Variants in CRPPA observed in about 807,000 individuals in gnomAD.
CRPPA encodes CDP-L-ribitol pyrophosphorylase A, also known as D-ribitol-5-phosphate cytidylyltransferase.
A neutral mutation model predicts 52.0 loss-of-function variants in CRPPA; 43 were observed. The observed-to-expected ratio is 0.83, with a 90% CI of 0.65 to 1.07. The LOEUF (loss-of-function observed/expected upper bound fraction) is 1.07. CRPPA is among the 50% of genes least tolerant of loss of function. The pLI is 0.00. For synonymous variants in CRPPA, 250 were observed against 203.5 expected (o/e 1.23, Z -1.94); for missense variants, 629 against 551.7 (o/e 1.14, Z -1.40).
intron 8 of CRPPA, among the ~76,000 whole-genome samples, chr7:16,256,756 C>T (rs535963414): frequency 6.6e-6 from 1 of 151,884 alleles, no homozygotes; most frequent in East Asian, 1.9e-4. Context: ...CACACTGGGG[C>T]TTGTTGGGGA....
chr7:16,254,837 GAAAGAA>G (rs1783586219), intron 8 of CRPPA, among the ~76,000 whole-genome samples: 1 of 148,228 alleles, frequency 6.7e-6, no homozygotes, highest in African/African-American at 2.5e-5. Flanking sequence ...AAGAAAGAAA[GAAAGAA>G]AGAGAAAGAA....
chr7:16,334,167 G>A (rs1217184267), intron 3 of CRPPA, among the ~76,000 whole-genome samples: 1 of 152,158 alleles, frequency 6.6e-6, no homozygotes, highest in Non-Finnish European at 1.5e-5. Context: ...CAACTGAAGT[G>A]CAGTCCATGG....
At chr7:16,129,555 C>G (rs1355562136) in intron 9 of CRPPA, among the ~76,000 whole-genome samples, 1 of 152,056 alleles carries the variant, frequency 6.6e-6, no homozygotes, top group African/African-American at 2.4e-5. Flanking sequence ...AAGCTTTATG[C>G]CACAATACCA....
chr7:16,349,031 G>GT (rs1228238183), intron 3 of CRPPA, among the ~76,000 whole-genome samples: 2 of 152,190 alleles, frequency 1.3e-5, no homozygotes, highest in Non-Finnish European at 2.9e-5. Flanking sequence ...CAGCTTGAAT[G>GT]TGAGTACAAT....
At chr7:16,326,132 A>T (rs1035399193) in intron 3 of CRPPA, among the ~76,000 whole-genome samples, 2 of 151,798 alleles carry the variant, frequency 1.3e-5, no homozygotes, top group Non-Finnish European at 2.9e-5. Flanking sequence ...TCCAACTCCA[A>T]GTCCTCTGAA....
chr7:16,326,896 A>C (rs1467265128), intron 3 of CRPPA, among the ~76,000 whole-genome samples: 2 of 152,148 alleles, frequency 1.3e-5, no homozygotes, highest in Admixed American at 1.3e-4. Flanking sequence ...AAATACTATC[A>C]AATCACAAAA....
At chr7:16,273,239 T>C (rs1784128999) in intron 6 of CRPPA, among the ~76,000 whole-genome samples, 1 of 151,462 alleles carries the variant, frequency 6.6e-6, no homozygotes, top group Non-Finnish European at 1.5e-5. Context: ...TAGGCCTGGG[T>C]ACTGTGGCCC....
At chr7:16,169,078 T>C (rs914209632) in intron 9 of CRPPA, among the ~76,000 whole-genome samples, 1 of 152,296 alleles carries the variant, frequency 6.6e-6, no homozygotes, top group South Asian at 2.1e-4. Flanking sequence ...AACTTCATTC[T>C]CCTTAGCTGG....
At chr7:16,139,198 G>T (rs542106033) in intron 9 of CRPPA, among the ~76,000 whole-genome samples, 3 of 152,234 alleles carry the variant, frequency 2.0e-5, no homozygotes, top group African/African-American at 7.2e-5. Flanking sequence ...AATCCAACGA[G>T]GTGGAAACAG....
intron 8 of CRPPA, among the ~76,000 whole-genome samples, chr7:16,240,572 TACAC>T (rs71549978): frequency 0.02 from 3,018 of 147,930 alleles, 60 homozygotes; most frequent in African/African-American, 0.049. Context: ...TTATTACACA[TACAC>T]ACACACACAC....
intron 6 of CRPPA, among the ~76,000 whole-genome samples, chr7:16,264,655 C>A (rs377685564): frequency 2.2e-4 from 34 of 152,316 alleles, no homozygotes; most frequent in African/African-American, 8.2e-4. Context: ...GCTGGGTCAT[C>A]TCTGAGTCTG....
intron 9 of CRPPA, among the ~76,000 whole-genome samples, chr7:16,169,627 T>G (rs573762245): frequency 6.6e-6 from 1 of 152,242 alleles, no homozygotes. Context: ...TGAGACATTG[T>G]CCAGCTAACT....
At chr7:16,275,497 C>T (rs1212082236) in intron 6 of CRPPA, among the ~76,000 whole-genome samples, 1 of 152,130 alleles carries the variant, frequency 6.6e-6, no homozygotes, top group Non-Finnish European at 1.5e-5. Context: ...TTTGACTCAT[C>T]CCTTCCTCCT....
chr7:16,410,452 T>C (rs957374673), intron 1 of CRPPA, among the ~76,000 whole-genome samples: 1 of 152,194 alleles, frequency 6.6e-6, no homozygotes, highest in African/African-American at 2.4e-5. Context: ...CTCTTAAATG[T>C]GGGATTTCCC....
chr7:16,297,262 G>A (rs1225142307), intron 5 of CRPPA, among the ~76,000 whole-genome samples: 1 of 152,152 alleles, frequency 6.6e-6, no homozygotes, highest in Non-Finnish European at 1.5e-5. Context: ...GAATAAGTGA[G>A]ATAACATATA....
At chr7:16,154,240 T>C (rs1005995931) in intron 9 of CRPPA, among the ~76,000 whole-genome samples, 105 of 152,142 alleles carry the variant, frequency 6.9e-4, no homozygotes, top group Admixed American at 6.7e-3. Flanking sequence ...TATTTCTTCT[T>C]AAAAAATGGG....
intron 9 of CRPPA, among the ~76,000 whole-genome samples, chr7:16,174,571 T>G (rs184633658): frequency 7.2e-5 from 11 of 152,224 alleles, no homozygotes; most frequent in Admixed American, 7.2e-4. Context: ...TTAAGCATAT[T>G]CATAAGGAAA....
chr7:16,244,907 C>T (rs934010375), intron 8 of CRPPA, among the ~76,000 whole-genome samples: 1 of 152,118 alleles, frequency 6.6e-6, no homozygotes. Flanking sequence ...TAAGAACAGA[C>T]ATATTTTTCT....
chr7:16,164,374 C>G (rs1467127904), intron 9 of CRPPA, among the ~76,000 whole-genome samples: 1 of 152,098 alleles, frequency 6.6e-6, no homozygotes, highest in Non-Finnish European at 1.5e-5. Context: ...CATTTATGTT[C>G]TTCTGTAAAC....
Sources: allele counts gnomAD v4.1 joint callset (sites outside exome capture counted in the v4.1 genomes callset), GRCh38; gene constraint gnomAD v4.1.1; transcripts MANE v1.5; gene names NCBI Gene and HGNC (gene_info 2026-07-23, HGNC 2026-07-21).